SNCAIP: variants seen among roughly 807,000 people sequenced by gnomAD.
The protein encoded by SNCAIP is synuclein alpha interacting protein.
Under a neutral mutation model 86.7 loss-of-function variants are expected in SNCAIP, and 43 were observed. The ratio of observed to expected loss-of-function variants is 0.50; its 90% CI spans 0.39 to 0.64. The LOEUF (loss-of-function observed/expected upper bound fraction) is 0.64. Ranked by LOEUF, SNCAIP falls within the 30% of genes least tolerant of loss-of-function variation. SNCAIP has a pLI of 0.00. For synonymous variants in SNCAIP, 417 were observed against 427.2 expected, an observed-to-expected ratio of 0.98 and a Z score of 0.29; for missense variants, 981 against 1,103.1, an observed-to-expected ratio of 0.89 and a Z score of 1.57.
In SNCAIP at chr5:122,316,867, CCT is replaced by C. The variant is rs530785743; in HGVS notation, c.-47+4587_-47+4588del. Among the ~76,000 whole-genome samples, 25 of 152,300 alleles carry C rather than the reference CCT, an allele frequency of 1.6e-4. 1 individual carries two copies. The South Asian group carries it at 5.2e-3, about 32-fold the overall frequency. ...TGCTGGGCCAGACAGAAACACCTGG[CCT>C]CTCCAGCTTCACACAATTAGTCTGA... is the stretch of plus-strand genomic sequence containing the variant. On this transcript the variant is annotated intron_variant, in intron 1 of 10. Transcript: ENST00000261368.
chr5:122,441,297 G>A (rs1780842981), intron 7 of SNCAIP: 1 of 157,002 alleles, frequency 6.4e-6, no homozygotes, highest in Non-Finnish European at 1.4e-5. Flanking sequence ...TTGGTTGGGA[G>A]TAGATTCAGA....
chr5:122,380,812 T>C (rs373761775), intron 1 of SNCAIP, among the ~76,000 whole-genome samples: 9 of 152,142 alleles, frequency 5.9e-5, no homozygotes, highest in African/African-American at 2.2e-4. Flanking sequence ...AGTAGTCATT[T>C]AGGAGCAGGT....
chr5:122,362,294 A>G (rs1157741523), intron 1 of SNCAIP, among the ~76,000 whole-genome samples: 1 of 152,152 alleles, frequency 6.6e-6, no homozygotes, highest in Non-Finnish European at 1.5e-5. Context: ...TAGGTGATGG[A>G]GTAGAAATTT....
At chr5:122,369,348 A>G (rs1313152340) in intron 1 of SNCAIP, among the ~76,000 whole-genome samples, 1 of 152,208 alleles carries the variant, frequency 6.6e-6, no homozygotes, top group Admixed American at 6.5e-5. Context: ...AGAGGAACCC[A>G]ATGTACTTTG....
intron 1 of SNCAIP, among the ~76,000 whole-genome samples, chr5:122,375,078 G>C (rs1765023560): frequency 6.6e-6 from 1 of 152,084 alleles, no homozygotes; most frequent in Admixed American, 6.6e-5. Flanking sequence ...GTCATACTCT[G>C]TGTATGTACA....
At chr5:122,440,408 A>C (rs764179941) in intron 6 of SNCAIP, 3 of 546,768 alleles carry the variant, frequency 5.5e-6, no homozygotes, top group Non-Finnish European at 9.8e-6. Flanking sequence ...AGCGCTTCCA[A>C]GGGAGCTTCC....
chr5:122,420,424 G>A (rs304387), intron 3 of SNCAIP, among the ~76,000 whole-genome samples: 62,586 of 151,844 alleles, frequency 0.41, 13,107 homozygotes, highest in East Asian at 0.62. Context: ...CAATGCACTC[G>A]TTGTATTGAC....
At chr5:122,340,756 C>G (rs1757403374) in intron 1 of SNCAIP, among the ~76,000 whole-genome samples, 1 of 152,148 alleles carries the variant, frequency 6.6e-6, no homozygotes, top group Non-Finnish European at 1.5e-5. Flanking sequence ...CATTTATACT[C>G]AATTATTCAA....
chr5:122,462,538 A>T (rs1786634112), intron 10 of SNCAIP, among the ~76,000 whole-genome samples: 1 of 152,128 alleles, frequency 6.6e-6, no homozygotes, highest in African/African-American at 2.4e-5. Context: ...ACAGCTCTCT[A>T]AAGTTCCAGT....
intron 10 of SNCAIP, among the ~76,000 whole-genome samples, chr5:122,459,245 G>T (rs1030472619): frequency 6.6e-6 from 1 of 152,164 alleles, no homozygotes; most frequent in Non-Finnish European, 1.5e-5. Flanking sequence ...GGTTATCAGC[G>T]GAAATGTCGT....
chr5:122,439,234 C>G (rs939651025), intron 6 of SNCAIP, among the ~76,000 whole-genome samples: 13 of 152,220 alleles, frequency 8.5e-5, no homozygotes, highest in Admixed American at 7.2e-4. Flanking sequence ...ATATTCTTAT[C>G]CAACCTCTAA....
rs1039051143 is a variant in SNCAIP, at chr5:122,356,451, A to G, written c.-46-34638A>G. On this transcript the variant is annotated intron_variant, in intron 1 of 10. Transcript: ENST00000261368. Reference sequence around the variant, plus strand: ...TTTTTAAAGGATCATTACTCAGTTTATATAAATTAAAATTTTTTTTGATGA... The same window carrying G: ...TTTTTAAAGGATCATTACTCAGTTTGTATAAATTAAAATTTTTTTTGATGA... Among the ~76,000 whole-genome samples the G allele has an allele frequency of 3.3e-5, 5 of 152,304 alleles. No individual in the cohort carries two copies. In the East Asian group the frequency reaches 5.8e-4, roughly 18 times the overall value.
chr5:122,449,459 A>T (rs943449301), intron 8 of SNCAIP, among the ~76,000 whole-genome samples: 23 of 152,150 alleles, frequency 1.5e-4, no homozygotes, highest in Non-Finnish European at 7.4e-5. Context: ...ATATATACAT[A>T]TTTATATATA....
At chr5:122,382,050 G>A (rs1766951448) in intron 1 of SNCAIP, among the ~76,000 whole-genome samples, 1 of 152,024 alleles carries the variant, frequency 6.6e-6, no homozygotes, top group Non-Finnish European at 1.5e-5. Context: ...GATTATCTTT[G>A]TGGTTTTCTC....
intron 1 of SNCAIP, chr5:122,321,258 AG>A (rs1752876436): frequency 6.6e-6 from 1 of 152,216 alleles, no homozygotes; most frequent in Non-Finnish European, 1.5e-5. Context: ...TCATTAACCA[AG>A]TACCTTACAT....
At position 122,460,123 on chromosome 5, in the gene SNCAIP, C is replaced by CT. The variant is rs796994434; in HGVS notation, c.2755-3354dup. ...TCTCAATGACACTATGTGGCAGATA[C>CT]TTTTTTTTTTTTTTAAGAAACAGGG... On this transcript the variant is annotated intron_variant, in intron 10 of 10. Coordinates refer to ENST00000261368, the MANE Select transcript of SNCAIP (RefSeq NM_005460.4). 2.8e-3 allele frequency among the ~76,000 whole-genome samples: 405 copies of CT among 143,502 alleles called. 1 individual carries two copies. The highest frequency in any genetic ancestry group is 0.011 in the Middle Eastern group (3 of 280). 94.1% of individuals were successfully genotyped at this position (143,502 alleles called of 152,430 possible).
intron 1 of SNCAIP, among the ~76,000 whole-genome samples, chr5:122,342,555 G>A (rs10078193): frequency 6.6e-6 from 1 of 152,050 alleles, no homozygotes; most frequent in Admixed American, 6.5e-5. Context: ...CAGACGTTGT[G>A]TCATTTAGCC....
intron 1 of SNCAIP, among the ~76,000 whole-genome samples, chr5:122,332,163 A>G (rs1755493006): frequency 6.6e-6 from 1 of 152,256 alleles, no homozygotes; most frequent in African/African-American, 2.4e-5. Flanking sequence ...ATGATTTAAC[A>G]TGTTGATGTG....
chr5:122,444,240 G>A, intron 7 of SNCAIP: 1 of 491,328 alleles, frequency 2.0e-6, no homozygotes. Flanking sequence ...CTGACTATGA[G>A]TGATTCTCTT....
Sources: gnomAD v4.1 joint callset for allele counts (sites outside exome capture counted in the v4.1 genomes callset) on GRCh38, gnomAD v4.1.1 for gene constraint, MANE v1.5 for transcripts, NCBI Gene and HGNC (gene_info 2026-07-23, HGNC 2026-07-21) for gene names.